The following NTRK2 variants were observed in gnomAD, a reference collection of about 807,000 sequenced individuals.
NTRK2 encodes the protein neurotrophic receptor tyrosine kinase 2.
A neutral mutation model predicts 94.5 loss-of-function variants in NTRK2; 13 were observed. The observed-to-expected ratio is 0.14, with a 90% CI of 0.09 to 0.22. The LOEUF is 0.22. Among genes scored for constraint, NTRK2 ranks in the 10% least tolerant of loss-of-function variants. The pLI is 1.00. For missense variants in NTRK2, 639 were observed against 1,071.2 expected, an observed-to-expected ratio of 0.60 and a Z score of 5.63; for synonymous variants, 372 against 407.4, an observed-to-expected ratio of 0.91 and a Z score of 1.05.
chr9:84,904,214 C>T (rs2077010949), intron 14 of NTRK2, among the ~76,000 whole-genome samples: 1 of 152,194 alleles, frequency 6.6e-6, no homozygotes, highest in Non-Finnish European at 1.5e-5. Flanking sequence ...GAATCACATA[C>T]AATGCTGTAA....
intron 12 of NTRK2, among the ~76,000 whole-genome samples, chr9:84,800,315 G>A (rs1173012457): frequency 2.0e-5 from 3 of 151,888 alleles, no homozygotes; most frequent in Non-Finnish European, 2.9e-5. Context: ...TGATTCTTCC[G>A]GCCTCAGTCT....
At chr9:84,951,868 G>A (rs1022485530) in intron 16 of NTRK2, among the ~76,000 whole-genome samples, 6 of 152,130 alleles carry the variant, frequency 3.9e-5, no homozygotes, top group Admixed American at 2.0e-4. Context: ...GCCCTATAAA[G>A]ACAGATGTCT....
chr9:84,791,252 A>G (rs1236188891), intron 12 of NTRK2, among the ~76,000 whole-genome samples: 2 of 152,156 alleles, frequency 1.3e-5, no homozygotes, highest in East Asian at 3.8e-4. Context: ...TCCTCTCATT[A>G]CTTGAGGACT....
rs1291929858 is a variant in NTRK2, at chr9:84,875,070, A to G, written c.1633+7639A>G. The stretch of plus-strand genomic sequence containing the variant: ...AAAGTCCCATGTAATTCCACCAGTT[A>G]GAGTTAACCACTGATATCGTTTGGA... On this transcript the variant is annotated intron_variant, in intron 14 of 18. Coordinates refer to ENST00000277120, the MANE Select transcript of NTRK2 (RefSeq NM_006180.6). The G allele has an allele frequency of 4.7e-6, 5 of 1,060,438 alleles. No individual in the cohort carries two copies. In the East Asian group the frequency reaches 2.1e-4, roughly 44 times the overall value. The allele number at this position is 1,060,438 out of a possible 1,614,324, so 65.7% of individuals were successfully genotyped here. A position where few individuals can be genotyped will look rare whatever the true frequency, so the allele number is the denominator to read the frequency against.
chr9:84,716,290 T>G (rs1407214719), intron 6 of NTRK2, among the ~76,000 whole-genome samples: 2 of 152,198 alleles, frequency 1.3e-5, no homozygotes, highest in African/African-American at 2.4e-5. Context: ...TAAAGGCACA[T>G]CGACAAAATA....
intron 14 of NTRK2, among the ~76,000 whole-genome samples, chr9:84,898,947 C>T (rs976298245): frequency 6.6e-6 from 1 of 152,070 alleles, no homozygotes; most frequent in African/African-American, 2.4e-5. Context: ...GGTGATCCAC[C>T]ACCTCAGCCT....
intron 12 of NTRK2, among the ~76,000 whole-genome samples, chr9:84,859,680 T>C (rs2075239786): frequency 6.6e-6 from 1 of 152,220 alleles, no homozygotes; most frequent in Admixed American, 6.5e-5. Flanking sequence ...ATTCAATCTA[T>C]GGTTTAATTA....
chr9:84,968,325 G>A (rs1445487028), intron 17 of NTRK2, among the ~76,000 whole-genome samples: 3 of 152,154 alleles, frequency 2.0e-5, no homozygotes, highest in Non-Finnish European at 4.4e-5. Context: ...GTCGCCTGGT[G>A]TATTCTCAGA....
At chr9:84,996,515 A>G (rs558742886) in intron 17 of NTRK2, among the ~76,000 whole-genome samples, 137 of 152,206 alleles carry the variant, frequency 9.0e-4, no homozygotes, top group Admixed American at 2.8e-3. Context: ...GACATCACAC[A>G]CGTGGAGGAG....
At position 84,670,391 on chromosome 9, in the gene NTRK2, C is replaced by T. The variant is rs749931648; in HGVS notation, c.-358C>T. ...TTTGTCCTCAGCCTCGAGGTGCATA[C>T]CGGACCCCCATTCGCATCTAACAAG... On this transcript the variant is annotated 5_prime_UTR_variant, in exon 2 of 19. Transcript: ENST00000277120. 1.2e-5 allele frequency: 5 copies of T among 413,172 alleles called. No homozygotes were observed. The highest frequency in any genetic ancestry group is 2.2e-5 in the Non-Finnish European group (5 of 225,268). 25.6% of individuals were successfully genotyped at this position (413,172 alleles called of 1,614,324 possible).
At chr9:84,920,955 G>A (rs1389195024) in intron 14 of NTRK2, among the ~76,000 whole-genome samples, 4 of 152,146 alleles carry the variant, frequency 2.6e-5, no homozygotes, top group Non-Finnish European at 5.9e-5. Flanking sequence ...CGGAATATTT[G>A]ATGCCATTTT....
At chr9:84,995,064 A>G (rs1829574226) in intron 17 of NTRK2, among the ~76,000 whole-genome samples, 1 of 152,222 alleles carries the variant, frequency 6.6e-6, no homozygotes, top group Non-Finnish European at 1.5e-5. Context: ...AAAGAGAACT[A>G]AAAATTCCAT....
intron 6 of NTRK2, among the ~76,000 whole-genome samples, chr9:84,711,232 C>T (rs998085727): frequency 2.0e-5 from 3 of 152,188 alleles, no homozygotes; most frequent in Non-Finnish European, 2.9e-5. Flanking sequence ...CAATCCAGCA[C>T]ATTCCCTTAA....
chr9:84,762,027 T>C (rs2065622516), intron 12 of NTRK2, among the ~76,000 whole-genome samples: 1 of 152,146 alleles, frequency 6.6e-6, no homozygotes, highest in African/African-American at 2.4e-5. Context: ...TCTGAGGTTT[T>C]TTTTTTATAA....
At chr9:84,683,834 C>T (rs1227739165) in intron 2 of NTRK2, among the ~76,000 whole-genome samples, 3 of 152,210 alleles carry the variant, frequency 2.0e-5, no homozygotes, top group Non-Finnish European at 4.4e-5. Context: ...TATTTCTCCA[C>T]AGCCTTGCCA....
intron 6 of NTRK2, among the ~76,000 whole-genome samples, chr9:84,714,387 G>A (rs2061588163): frequency 6.6e-6 from 1 of 152,106 alleles, no homozygotes; most frequent in Admixed American, 6.6e-5. Flanking sequence ...ATCCTCTTCT[G>A]CTTTCTCTCG....
chr9:84,890,817 ATCTTCT>A (rs1433919841), intron 14 of NTRK2, among the ~76,000 whole-genome samples: 8 of 152,348 alleles, frequency 5.3e-5, no homozygotes, highest in South Asian at 2.1e-4. Flanking sequence ...CTGGGAGATT[ATCTTCT>A]TGTGAATTAT....
intron 15 of NTRK2, among the ~76,000 whole-genome samples, chr9:84,940,314 G>A (rs1045215465): frequency 6.6e-6 from 1 of 152,190 alleles, no homozygotes; most frequent in Non-Finnish European, 1.5e-5. Context: ...GTATCTGAAA[G>A]CTCACTCAAG....
At chr9:84,776,387 A>G (rs1350626689) in intron 12 of NTRK2, among the ~76,000 whole-genome samples, 1 of 152,004 alleles carries the variant, frequency 6.6e-6, no homozygotes, top group East Asian at 1.9e-4. Context: ...ACACCCAGCT[A>G]ATTTTTATAT....
Sources: gnomAD v4.1 joint callset for allele counts (sites outside exome capture counted in the v4.1 genomes callset) on GRCh38, gnomAD v4.1.1 for gene constraint, MANE v1.5 for transcripts, NCBI Gene and HGNC (gene_info 2026-07-23, HGNC 2026-07-21) for gene names.